The following CLASP1 variants were observed in gnomAD, a reference collection of about 807,000 sequenced individuals.
CLASP1 encodes the protein CLIP-associating protein 1.
A neutral mutation model predicts 192.3 loss-of-function variants in CLASP1; 38 were observed. That is an observed-to-expected ratio of 0.20 (90% CI 0.15 to 0.26). The LOEUF (loss-of-function observed/expected upper bound fraction) is 0.26, where lower values mean the gene tolerates loss of function less well. CLASP1 is among the 10% of genes least tolerant of loss of function. CLASP1 has a pLI of 1.00. For missense variants in CLASP1, 1,433 were observed against 1,932.5 expected (o/e 0.74, Z 4.85); for synonymous variants, 691 against 712.8 (o/e 0.97, Z 0.49).
chr2:121,340,551 T>G (rs2062677760), exon 40 of CLASP1: 1 of 281,800 alleles, frequency 3.5e-6, no homozygotes, highest in Admixed American at 4.7e-5. Context: ...AGCGCTCTGA[T>G]TTTTAAAAAC....
intron 2 of CLASP1, among the ~76,000 whole-genome samples, chr2:121,585,899 CAA>C (rs11320094): frequency 2.7e-4 from 30 of 111,188 alleles, no homozygotes; most frequent in African/African-American, 3.4e-4. Flanking sequence ...GACTCCATCT[CAA>C]AAAAAAAAAA....
intron 22 of CLASP1, among the ~76,000 whole-genome samples, chr2:121,424,835 T>C (rs1279318212): frequency 6.6e-6 from 1 of 152,196 alleles, no homozygotes; most frequent in Non-Finnish European, 1.5e-5. Context: ...AAAGCAACAC[T>C]GCTTCTAATT....
At chr2:121,456,535 A>AG (rs950984466) in intron 14 of CLASP1, among the ~76,000 whole-genome samples, 3 of 151,618 alleles carry the variant, frequency 2.0e-5, no homozygotes, top group African/African-American at 7.3e-5. Flanking sequence ...AGGAAAGAAA[A>AG]GGAAAAAAAG....
chr2:121,500,900 T>C (rs1194356427), intron 8 of CLASP1, among the ~76,000 whole-genome samples: 1 of 152,232 alleles, frequency 6.6e-6, no homozygotes, highest in African/African-American at 2.4e-5. Context: ...TCCTCAACCC[T>C]AAACCTATGT....
intron 2 of CLASP1, among the ~76,000 whole-genome samples, chr2:121,600,480 ATTAC>A (rs1351183225): frequency 2.0e-5 from 3 of 152,210 alleles, no homozygotes; most frequent in Admixed American, 6.5e-5. Context: ...TTGTTTAGGA[ATTAC>A]TTCACCAAGA....
At chr2:121,382,419 T>C in intron 32 of CLASP1, 95 bp from the exon 34 acceptor site, 2 of 722,106 alleles carry the variant, frequency 2.8e-6, no homozygotes, top group Non-Finnish European at 4.5e-6. Context: ...TCTTAGTCTC[T>C]TCTTTCCTTG....
Position 121,454,268 on chromosome 2 carries a change from TTA to T in CLASP1, c.1386-2421_1386-2420del, listed in dbSNP as rs2086177271. On this transcript the variant is annotated intron_variant, in intron 14 of 39. Transcript: ENST00000263710. ...ATTAGGCATGATAATGGGGCCCTCA[TTA>T]TGAGATTAGTGTCCCTATAAGAAGA... 2.6e-5 allele frequency among the ~76,000 whole-genome samples: 4 copies of T among 151,784 alleles called. No homozygotes were observed. In the South Asian group the frequency reaches 8.4e-4, roughly 32 times the overall value.
chr2:121,384,849 C>A (rs74815734), intron 32 of CLASP1, among the ~76,000 whole-genome samples: 1 of 152,250 alleles, frequency 6.6e-6, no homozygotes, highest in African/African-American at 2.4e-5. Flanking sequence ...CCACTGCACT[C>A]CAGCCTGGGT....
intron 1 of CLASP1, among the ~76,000 whole-genome samples, chr2:121,616,123 C>T (rs565630065): frequency 2.0e-4 from 30 of 152,166 alleles, no homozygotes; most frequent in Admixed American, 9.2e-4. Context: ...ATTAAATTAC[C>T]AGCACCAGTT....
At chr2:121,475,778 C>T (rs768775202) in intron 8 of CLASP1, among the ~76,000 whole-genome samples, 4 of 152,168 alleles carry the variant, frequency 2.6e-5, no homozygotes, top group Non-Finnish European at 5.9e-5. Context: ...GGGAAGTTCT[C>T]TTTAAGCCCA....
intron 11 of CLASP1, 129 bp downstream of exon 11, chr2:121,460,972 A>G (rs2087815049): frequency 1.6e-6 from 1 of 640,838 alleles, no homozygotes; most frequent in African/African-American, 1.9e-5. Context: ...TGAAGTATAA[A>G]TATGATAATT....
intron 4 of CLASP1, among the ~76,000 whole-genome samples, chr2:121,528,300 GC>G (rs936238548): frequency 3.5e-4 from 53 of 152,242 alleles, no homozygotes; most frequent in African/African-American, 1.2e-3. Context: ...GTCCATCCCA[GC>G]AGCCCCAATT....
intron 32 of CLASP1, among the ~76,000 whole-genome samples, chr2:121,384,167 T>TAC (rs1237500141): frequency 8.8e-4 from 125 of 142,030 alleles, no homozygotes; most frequent in African/African-American, 3.4e-3. Flanking sequence ...CATATATATA[T>TAC]ATACACACAC....
At chr2:121,611,982 T>G (rs1454523513) in intron 1 of CLASP1, among the ~76,000 whole-genome samples, 5 of 106,822 alleles carry the variant, frequency 4.7e-5, no homozygotes, top group East Asian at 2.8e-4. Flanking sequence ...AGTTACAGGA[T>G]AAAGTGGAAC....
At chr2:121,554,339 A>T (rs1359165501) in intron 2 of CLASP1, among the ~76,000 whole-genome samples, 1 of 151,966 alleles carries the variant, frequency 6.6e-6, no homozygotes, top group African/African-American at 2.4e-5. Context: ...GGCTGGTTGA[A>T]GTGGCTCATA....
At position 121,405,714 on chromosome 2, in the gene CLASP1, T is replaced by G. The variant is rs1033505523; in HGVS notation, c.2670-1280A>C. ...TGGTGAACACTAAGAATCTACAAAG[T>G]GGGACCACCAGGATTAAACAGATTC... On this transcript the variant is annotated intron_variant, in intron 25 of 39. Transcript: ENST00000263710. 1.1e-4 allele frequency among the ~76,000 whole-genome samples: 16 copies of G among 152,150 alleles called. No homozygotes were observed. The East Asian group carries it at 2.7e-3, about 26-fold the overall frequency.
chr2:121,544,131 CTG>C (rs2095285376), intron 2 of CLASP1, among the ~76,000 whole-genome samples: 1 of 152,208 alleles, frequency 6.6e-6, no homozygotes, highest in Admixed American at 6.5e-5. Context: ...AATCACTCTT[CTG>C]TGTCTACTTT....
At chr2:121,532,022 C>T (rs1056888242) in intron 2 of CLASP1, among the ~76,000 whole-genome samples, 4 of 152,224 alleles carry the variant, frequency 2.6e-5, no homozygotes, top group Non-Finnish European at 5.9e-5. Context: ...AATGTTCACA[C>T]AACAACCAAA....
intron 8 of CLASP1, among the ~76,000 whole-genome samples, chr2:121,487,580 C>A (rs568322618): frequency 4.0e-4 from 61 of 152,208 alleles, no homozygotes; most frequent in Admixed American, 3.0e-3. Flanking sequence ...TTTCAATGAC[C>A]TTGACATGGT....
Sources: allele counts gnomAD v4.1 joint callset (sites outside exome capture counted in the v4.1 genomes callset), GRCh38; gene constraint gnomAD v4.1.1; transcripts MANE v1.5; gene names NCBI Gene and HGNC (gene_info 2026-07-23, HGNC 2026-07-21).